GNA15: variants seen among roughly 807,000 people sequenced by gnomAD.
GNA15 encodes the protein G protein subunit alpha 15.
A neutral mutation model predicts 40.1 loss-of-function variants in GNA15; 23 were observed. The ratio of observed to expected loss-of-function variants is 0.57; its 90% CI spans 0.41 to 0.81. The LOEUF (loss-of-function observed/expected upper bound fraction) is 0.81, where lower values mean the gene tolerates loss of function less well. Ranked by LOEUF, GNA15 falls within the 40% of genes least tolerant of loss-of-function variation. GNA15 has a pLI of 0.00. For missense variants in GNA15, 522 were observed against 515.8 expected, an observed-to-expected ratio of 1.01 and a Z score of -0.12; for synonymous variants, 226 against 210.4, an observed-to-expected ratio of 1.07 and a Z score of -0.64.
intron 1 of GNA15, among the ~76,000 whole-genome samples, chr19:3,147,884 T>A: frequency 1.3e-5 from 1 of 75,510 alleles, no homozygotes. Context: ...CAAGACTCCA[T>A]CTCAAAAAAA....
intron 5 of GNA15, among the ~76,000 whole-genome samples, chr19:3,156,256 C>G (rs568816217): frequency 1.4e-4 from 20 of 147,114 alleles, no homozygotes; most frequent in African/African-American, 4.3e-4. Context: ...CGCACAGACA[C>G]GTGCATAATA....
intron 4 of GNA15, among the ~76,000 whole-genome samples, chr19:3,153,867 G>T (rs965208113): frequency 2.0e-5 from 3 of 151,504 alleles, no homozygotes; most frequent in African/African-American, 7.3e-5. Flanking sequence ...GTGGGTGAAT[G>T]GATGGATGAA....
chr19:3,145,360 T>TATATATATATATA (rs1555705683), intron 1 of GNA15, among the ~76,000 whole-genome samples: 221 of 21,512 alleles, frequency 0.01, 1 homozygote, highest in East Asian at 0.022. Flanking sequence ...TATATATATA[T>TATATATATATATA]TTTTTTTTTT....
At chr19:3,147,327 C>G (rs949605206) in intron 1 of GNA15, among the ~76,000 whole-genome samples, 2 of 145,838 alleles carry the variant, frequency 1.4e-5, no homozygotes, top group African/African-American at 5.1e-5. Flanking sequence ...CCGAGGCAGA[C>G]GGATCACTTG....
intron 1 of GNA15, among the ~76,000 whole-genome samples, chr19:3,137,155 G>A (rs1914477695): frequency 6.6e-6 from 1 of 152,232 alleles, no homozygotes; most frequent in Admixed American, 6.5e-5. Flanking sequence ...TCCCAGGAAC[G>A]AGGCAGCCAA....
rs1253355875 is a variant in GNA15 at position 3,163,543 on chromosome 19, C to T, written c.*524C>T. 6.5e-6 allele frequency: 1 copy of T among 154,350 alleles called. No individual in the cohort carries two copies. The highest frequency in any genetic ancestry group is 1.4e-5 in the Non-Finnish European group (1 of 69,384). The allele number at this position is 154,350 out of a possible 1,614,324, so 9.6% of individuals were successfully genotyped here. A position where few individuals can be genotyped will look rare whatever the true frequency, so the allele number is the denominator to read the frequency against. On this transcript the variant is annotated 3_prime_UTR_variant, in exon 7 of 7. Transcript: ENST00000262958. ...CTTCCCTTTGCAAGGGGTAACAGAC[C>T]GCTGGAAAACACTGTCACTTTCAGA...
chr19:3,152,095 T>A (rs1914895577), intron 4 of GNA15, among the ~76,000 whole-genome samples: 1 of 152,126 alleles, frequency 6.6e-6, no homozygotes, highest in Non-Finnish European at 1.5e-5. Flanking sequence ...TAATGGGGTT[T>A]TGAAAGACGA....
chr19:3,160,547 G>T (rs1354174554), intron 6 of GNA15, among the ~76,000 whole-genome samples: 2 of 152,216 alleles, frequency 1.3e-5, no homozygotes, highest in Non-Finnish European at 2.9e-5. Flanking sequence ...AAAAGAAAGA[G>T]ACTCCATCTC....
At chr19:3,141,712 G>A (rs116264781) in intron 1 of GNA15, 2,854 of 152,498 alleles carry the variant, frequency 0.019, 82 homozygotes, top group African/African-American at 0.065. Flanking sequence ...TTAGCACTTT[G>A]AGGCAGGCAC....
Position 3,162,991 on chromosome 19 carries a change from G to C in GNA15, c.1097G>C (p.Arg366Pro). 1 of 1,613,304 alleles carries C rather than the reference G, an allele frequency of 6.2e-7. No individual in the cohort carries two copies. Among genetic ancestry groups the C allele is most frequent in the Non-Finnish European group, 8.5e-7 (1 of 1,179,460 alleles). The change falls in exon 7 of 7, where the codon CGC becomes CCC. Residue 366 changes from arginine to proline, a missense_variant. By Grantham distance (103) the Arg-to-Pro change is moderately radical. Coordinates refer to ENST00000262958, the MANE Select transcript of GNA15 (RefSeq NM_002068.4). ...FKDVRDSVLA[R>P]YLDEINLL ...GACGTGCGGGACTCGGTGCTCGCCC[G>C]CTACCTGGACGAGATCAACCTGCTG...
At chr19:3,161,688 C>G (rs192235706) in intron 6 of GNA15, among the ~76,000 whole-genome samples, 210 of 152,262 alleles carry the variant, frequency 1.4e-3, no homozygotes, top group African/African-American at 5.0e-3. Flanking sequence ...ATGACTCATC[C>G]TTGTCTCCCA....
At chr19:3,156,196 A>ACTACAGTG (rs751206001) in intron 5 of GNA15, among the ~76,000 whole-genome samples, 9,147 of 84,152 alleles carry the variant, frequency 0.11, 763 homozygotes, top group African/African-American at 0.3. Context: ...ACACACACAC[A>ACTACAGTG]CACACACTAC....
At chr19:3,141,333 C>A (rs1302725114) in intron 1 of GNA15, among the ~76,000 whole-genome samples, 1 of 152,118 alleles carries the variant, frequency 6.6e-6, no homozygotes, top group Non-Finnish European at 1.5e-5. Context: ...TGAACAACAA[C>A]AAAAACAGGA....
At position 3,139,774 on chromosome 19, in the gene GNA15, G is replaced by A. The variant is rs375349235; in HGVS notation, c.145+3179G>A. 2.6e-5 allele frequency among the ~76,000 whole-genome samples: 4 copies of A among 152,020 alleles called. No homozygotes were observed. The East Asian group carries it at 7.7e-4, about 29-fold the overall frequency. On this transcript the variant is annotated intron_variant, in intron 1 of 6. Transcript: ENST00000262958. ...ATCAGGGCTGGGTGCGGTGGCTCAC[G>A]CCTGCAATCACAGCACTTTGGGGGG...
chr19:3,151,037 G>A lies in GNA15; in HGVS notation c.486-670G>A, dbSNP rs1914870058. On this transcript the variant is annotated intron_variant, in intron 3 of 6. Coordinates refer to ENST00000262958, the MANE Select transcript of GNA15 (RefSeq NM_002068.4). This position sits in a 1 kb window ranked among gnomAD's most constrained non-coding sequence, Gnocchi z 5.0. ...GTATTCCTAGAGTGACCCTGTTCTTGGAGGGACCCTGTTCCTGGGGGGACC... is the reference window on the plus strand; with the variant it reads ...GTATTCCTAGAGTGACCCTGTTCTTAGAGGGACCCTGTTCCTGGGGGGACC... 6.6e-6 allele frequency among the ~76,000 whole-genome samples: 1 copy of A among 151,660 alleles called. No homozygotes were observed. The highest frequency in any genetic ancestry group is 2.4e-5 in the African/African-American group (1 of 41,280).
At position 3,148,588 on chromosome 19, in the gene GNA15, C is replaced by A. The variant is rs769533085; in HGVS notation, c.146-3C>A. 1.0e-5 allele frequency: 16 copies of A among 1,568,230 alleles called. No homozygotes were observed. Among genetic ancestry groups the A allele is most frequent in the Admixed American group, 1.9e-5 (1 of 54,048 alleles). On this transcript the variant is annotated splice_region_variant and splice_polypyrimidine_tract_variant and intron_variant, in intron 1 of 6. Transcript: ENST00000262958. ...CTGAGCGGTTCTGCTGCTCCATCCC[C>A]AGGCCCAGGCGAGAGCGGGAAGAGC...
Position 3,162,946 on chromosome 19 carries a change from A to T in GNA15, c.1052A>T (p.Asn351Ile). ...SHYTCATDTQ[N>I]IRKVFKDVRD... ...TACACATGTGCCACAGACACACAGA[A>T]CATCCGCAAGGTCTTCAAGGACGTG... Residue 351 changes from asparagine (N) to isoleucine (I), a missense_variant, in exon 7 of 7, where the codon AAC becomes ATC. Asn to Ile is a moderately radical substitution (Grantham distance 149, BLOSUM62 -3). Coordinates refer to ENST00000262958, the MANE Select transcript of GNA15 (RefSeq NM_002068.4). The T allele has an allele frequency of 6.2e-7, 1 of 1,614,088 alleles. No individual in the cohort carries two copies. Among genetic ancestry groups the T allele is most frequent in the East Asian group, 2.2e-5 (1 of 44,870 alleles).
chr19:3,161,572 G>A (rs1214622215), intron 6 of GNA15, among the ~76,000 whole-genome samples: 5 of 152,158 alleles, frequency 3.3e-5, no homozygotes, highest in African/African-American at 1.2e-4. Flanking sequence ...GGCCTGGATA[G>A]CCCCTCTTCC....
intron 2 of GNA15, chr19:3,149,277 GCA>G (rs765703255): frequency 4.9e-4 from 80 of 162,894 alleles, no homozygotes; most frequent in Admixed American, 1.1e-3. Context: ...ATTCCCACAT[GCA>G]CACACACACA....
Sources: gnomAD v4.1 joint callset for allele counts (sites outside exome capture counted in the v4.1 genomes callset) on GRCh38, gnomAD v4.1.1 for gene constraint, Gnocchi (gnomAD v3.1) non-coding constraint, MANE v1.5 for transcripts, NCBI Gene and HGNC (gene_info 2026-07-23, HGNC 2026-07-21) for gene names.